The following HMCN1 variants were observed in gnomAD, a reference collection of about 807,000 sequenced individuals.
HMCN1 encodes the protein hemicentin-1.
Under a neutral mutation model 625.9 loss-of-function variants are expected in HMCN1, and 321 were observed. The ratio of observed to expected loss-of-function variants is 0.51; its 90% CI spans 0.47 to 0.56. The LOEUF is 0.56. Ranked by LOEUF, HMCN1 falls within the 20% of genes least tolerant of loss-of-function variation. The pLI, the probability that HMCN1 is intolerant of heterozygous loss-of-function variation, is 0.00. For synonymous variants in HMCN1, 2,425 were observed against 2,417.6 expected (o/e 1.00, Z -0.09); for missense variants, 6,588 against 6,887.3 (o/e 0.96, Z 1.54).
chr1:185,895,942 A>ATTT (rs113480004), intron 4 of HMCN1, among the ~76,000 whole-genome samples: 14 of 146,530 alleles, frequency 9.6e-5, no homozygotes, highest in African/African-American at 3.3e-4. Context: ...TCATTTAATA[A>ATTT]TTTTTTTTTT....
intron 6 of HMCN1, among the ~76,000 whole-genome samples, chr1:185,920,785 G>T (rs1395745259): frequency 6.6e-6 from 1 of 151,974 alleles, no homozygotes; most frequent in African/African-American, 2.4e-5. Context: ...CAGTCATTTG[G>T]CAAATTACGT....
chr1:186,168,786 T>TA (rs1652048094), intron 100 of HMCN1, among the ~76,000 whole-genome samples: 1 of 152,096 alleles, frequency 6.6e-6, no homozygotes, highest in South Asian at 2.1e-4. Context: ...TATTATACTT[T>TA]AAGTCCTGGG....
chr1:186,031,060 T>C (rs1655401101), intron 36 of HMCN1, among the ~76,000 whole-genome samples: 1 of 151,942 alleles, frequency 6.6e-6, no homozygotes, highest in Non-Finnish European at 1.5e-5. Flanking sequence ...AATATACAGT[T>C]TTTACATCTT....
At chr1:186,094,459 AT>A in intron 67 of HMCN1, 86 bp downstream of exon 67, 1 of 939,766 alleles carries the variant, frequency 1.1e-6, no homozygotes, top group Non-Finnish European at 1.7e-6. Context: ...TTCCTCAGAG[AT>A]TTAGAAATCT....
At chr1:186,030,458 C>T (rs1655349763) in intron 36 of HMCN1, among the ~76,000 whole-genome samples, 1 of 151,968 alleles carries the variant, frequency 6.6e-6, no homozygotes, top group African/African-American at 2.4e-5. Context: ...TTGCCAGTAA[C>T]AGTTTTTCTT....
chr1:185,997,431 C>A lies in HMCN1; in HGVS notation c.3781C>A (p.Pro1261Thr). Residue 1261 changes from proline (P) to threonine (T), a missense_variant and splice_region_variant, in exon 25 of 107, where the codon CCA becomes ACA. Coordinates refer to ENST00000271588, the MANE Select transcript of HMCN1 (RefSeq NM_031935.3). ...ETEITLHVQE[P>T]PTVEDLEPPY... ...TAATGCATTTATTTTCCTAATAGAA[C>A]CACCCACAGTGGAAGATCTAGAACC... The A allele has an allele frequency of 6.2e-7, 1 of 1,603,930 alleles. No homozygotes were observed. Among genetic ancestry groups the A allele is most frequent in the African/African-American group, 1.3e-5 (1 of 74,822 alleles).
intron 1 of HMCN1, among the ~76,000 whole-genome samples, chr1:185,811,954 T>A (rs1170514895): frequency 6.6e-6 from 1 of 152,198 alleles, no homozygotes; most frequent in African/African-American, 2.4e-5. Context: ...AATTATGATG[T>A]TATAGAAAAC....
chr1:185,842,302 G>T (rs1479783013), intron 1 of HMCN1, among the ~76,000 whole-genome samples: 1 of 152,108 alleles, frequency 6.6e-6, no homozygotes, highest in African/African-American at 2.4e-5. Flanking sequence ...TGCTTTGTAT[G>T]GTTGATTATA....
In HMCN1 at chr1:186,137,544, C is replaced by T. The variant is rs1448826393; in HGVS notation, c.13629C>T (p.Val4543=). ...GGTCTGCATGGAGAGCCTGCAGTGTCACCTGTGGAAAAGGCATCCAAAAGA... is the reference window on the plus strand; with the variant it reads ...GGTCTGCATGGAGAGCCTGCAGTGTTACCTGTGGAAAAGGCATCCAAAAGA... ...SQWSAWRACS[V]TCGKGIQKRS... The change falls in exon 88 of 107, where the codon GTC becomes GTT. Residue 4543 remains valine (V), a synonymous_variant. Transcript: ENST00000271588. 1 of 1,613,800 alleles carries T rather than the reference C, an allele frequency of 6.2e-7. No homozygotes were observed. The highest frequency in any genetic ancestry group is 1.7e-5 in the Admixed American group (1 of 59,946).
chr1:186,166,899 T>G lies in HMCN1; in HGVS notation c.15531T>G (p.Cys5177Trp). Residue 5177 changes from cysteine to tryptophan, a missense_variant, in exon 100 of 107, where the codon TGT (cysteine) becomes TGG (tryptophan). Transcript: ENST00000271588. ...GATCTTATCGCTGTGTGGTCCGTTG[T>G]GGAAGTGGCTTTCGAAGAACCTCTG... ...TIGSYRCVVR[C>W]GSGFRRTSDG... 6.2e-7 allele frequency: 1 copy of G among 1,614,164 alleles called. No individual in the cohort carries two copies. The highest frequency in any genetic ancestry group is 8.5e-7 in the Non-Finnish European group (1 of 1,180,016).
rs145955451 is a variant in HMCN1, at chr1:186,119,247, G to T, written c.11905G>T (p.Ala3969Ser). ...CCATGCTGGAAGATACACTTGTGTC[G>T]CTAGGAATGCGGCTGGCTCTGCACA... ...LNHAGRYTCVARNAAGSAHRH... is the reference protein window; with the variant it reads ...LNHAGRYTCVSRNAAGSAHRH... The change falls in exon 78 of 107, where the codon GCT becomes TCT. Residue 3969 changes from alanine to serine, a missense_variant. Physicochemically the swap from Ala to Ser is moderately conservative, Grantham distance 99. Around this residue, in one of 3 missense-constraint regions of HMCN1, gnomAD observed 4,628 missense variants for 4,853.1 expected, o/e 0.95. Coordinates refer to ENST00000271588, the MANE Select transcript of HMCN1 (RefSeq NM_031935.3). 1.2e-6 allele frequency: 2 copies of T among 1,613,874 alleles called. No homozygotes were observed. Among genetic ancestry groups the T allele is most frequent in the African/African-American group, 1.3e-5 (1 of 74,964 alleles).
intron 46 of HMCN1, 23 bp from the exon 47 acceptor site, chr1:186,061,827 TA>T (rs755760784): frequency 6.6e-7 from 1 of 1,520,830 alleles, no homozygotes; most frequent in East Asian, 2.3e-5. Flanking sequence ...TAAGTTATCT[TA>T]AAAAGATGGT....
intron 1 of HMCN1, among the ~76,000 whole-genome samples, chr1:185,753,136 C>G (rs940890585): frequency 6.6e-6 from 1 of 151,986 alleles, no homozygotes; most frequent in African/African-American, 2.4e-5. Context: ...TATTAGCAAA[C>G]AAACAAGCAA....
At chr1:185,916,014 T>C (rs1444516919) in intron 6 of HMCN1, among the ~76,000 whole-genome samples, 3 of 151,940 alleles carry the variant, frequency 2.0e-5, no homozygotes, top group African/African-American at 7.3e-5. Flanking sequence ...ATGTGTACAC[T>C]TAGGTACACA....
chr1:186,070,999 T>C (rs1658448113), intron 52 of HMCN1, among the ~76,000 whole-genome samples: 1 of 152,180 alleles, frequency 6.6e-6, no homozygotes, highest in African/African-American at 2.4e-5. Context: ...ATTGTATTTG[T>C]ATATTAGCAG....
intron 36 of HMCN1, among the ~76,000 whole-genome samples, chr1:186,023,380 TA>T (rs1654852934): frequency 6.6e-6 from 1 of 151,768 alleles, no homozygotes; most frequent in African/African-American, 2.4e-5. Context: ...CTGGAGCTCA[TA>T]ATTAAATACA....
chr1:186,132,660 T>TTA (rs397716194), intron 86 of HMCN1, among the ~76,000 whole-genome samples: 1 of 151,276 alleles, frequency 6.6e-6, no homozygotes, highest in Non-Finnish European at 1.5e-5. Flanking sequence ...CTTTTTTTTT[T>TTA]ATTATACTTT....
chr1:185,980,429 C>T (rs1651536374), intron 16 of HMCN1, among the ~76,000 whole-genome samples: 1 of 152,188 alleles, frequency 6.6e-6, no homozygotes, highest in Non-Finnish European at 1.5e-5. Context: ...TTATGAAATA[C>T]ACACATTTCA....
chr1:185,752,077 A>C (rs1436771420), intron 1 of HMCN1, among the ~76,000 whole-genome samples: 1 of 151,762 alleles, frequency 6.6e-6, no homozygotes, highest in Non-Finnish European at 1.5e-5. Context: ...AGGGGTTTGC[A>C]TTTGCTTTTT....
Sources: gnomAD v4.1 joint callset for allele counts (sites outside exome capture counted in the v4.1 genomes callset) on GRCh38, gnomAD v4.1.1 for gene constraint, gnomAD v4.1.1 regional missense constraint, MANE v1.5 for transcripts, NCBI Gene and HGNC (gene_info 2026-07-23, HGNC 2026-07-21) for gene names.